KCNK9: variants seen among roughly 807,000 people sequenced by gnomAD.
The protein encoded by KCNK9 is potassium two pore domain channel subfamily K member 9, also known as potassium channel subfamily K member 9.
Under a neutral mutation model 10.8 loss-of-function variants are expected in KCNK9, and 1 was observed. The observed-to-expected ratio is 0.09, with a 90% CI of 0.03 to 0.44. The LOEUF is 0.44. Among genes scored for constraint, KCNK9 ranks in the 20% least tolerant of loss-of-function variants. KCNK9 has a pLI of 0.97. For missense variants in KCNK9, 303 were observed against 515.0 expected, an observed-to-expected ratio of 0.59 and a Z score of 3.98; for synonymous variants, 231 against 222.7, an observed-to-expected ratio of 1.04 and a Z score of -0.33.
chr8:139,692,206 C>T (rs763116411), intron 1 of KCNK9, among the ~76,000 whole-genome samples: 16 of 152,222 alleles, frequency 1.1e-4, no homozygotes, highest in African/African-American at 2.9e-4. Flanking sequence ...CCCCACGCTT[C>T]GCAACCAAGA....
downstream of KCNK9, among the ~76,000 whole-genome samples, chr8:139,615,562 G>T (rs935477858): frequency 6.6e-6 from 1 of 151,990 alleles, no homozygotes; most frequent in Non-Finnish European, 1.5e-5. Context: ...ACCAAGATTT[G>T]CCTCCATCCC....
chr8:139,656,468 C>T (rs1000184035), intron 1 of KCNK9, among the ~76,000 whole-genome samples: 9 of 152,280 alleles, frequency 5.9e-5, no homozygotes, highest in South Asian at 2.1e-4. Context: ...GTCCTGGGCG[C>T]GCTTGCCTCT....
intron 1 of KCNK9, among the ~76,000 whole-genome samples, chr8:139,663,305 G>T (rs1484882148): frequency 1.3e-5 from 2 of 152,074 alleles, no homozygotes; most frequent in Non-Finnish European, 2.9e-5. Flanking sequence ...AAGGAAGACA[G>T]GTCAGCGCGA....
chr8:139,678,997 C>T (rs1316162830), intron 1 of KCNK9, among the ~76,000 whole-genome samples: 1 of 152,182 alleles, frequency 6.6e-6, no homozygotes. Flanking sequence ...GATGCATTTG[C>T]GGGTCTCGTT....
chr8:139,603,184 CAAT>C (rs1445272922), intron 2 of KCNK9, among the ~76,000 whole-genome samples: 13 of 152,194 alleles, frequency 8.5e-5, no homozygotes, highest in Admixed American at 8.5e-4. Context: ...ACGGTGATAA[CAAT>C]GATGACAGTG....
chr8:139,660,297 C>T (rs1239021979), intron 1 of KCNK9, among the ~76,000 whole-genome samples: 5 of 152,168 alleles, frequency 3.3e-5, no homozygotes, highest in Admixed American at 3.3e-4. Context: ...CCTGGCTCCT[C>T]CATACGATGC....
chr8:139,639,483 C>T (rs1408606158), intron 1 of KCNK9, among the ~76,000 whole-genome samples: 1 of 152,302 alleles, frequency 6.6e-6, no homozygotes, highest in South Asian at 2.1e-4. Context: ...GAGACTCAGG[C>T]CCACAGCTGG....
At chr8:139,603,234 C>T (rs1817410969) in intron 2 of KCNK9, among the ~76,000 whole-genome samples, 1 of 152,180 alleles carries the variant, frequency 6.6e-6, no homozygotes, top group Non-Finnish European at 1.5e-5. Flanking sequence ...AAGTCTCCCA[C>T]CTGCCCCCCA....
Position 139,649,872 on chromosome 8 carries a change from A to G in KCNK9, c.284-30773T>C, listed in dbSNP as rs544184291. Among the ~76,000 whole-genome samples, 6 of 152,358 alleles carry G rather than the reference A, an allele frequency of 3.9e-5. No individual in the cohort carries two copies. The East Asian group carries it at 9.6e-4, about 24-fold the overall frequency. On this transcript the variant is annotated intron_variant, in intron 1 of 1. Transcript: ENST00000520439. ...AGTGGTACTGTCCGAAAGGCAATTA[A>G]TGCTGGAGCAGAGGCTCCTTGGACA...
chr8:139,667,553 G>A (rs924467533), intron 1 of KCNK9, among the ~76,000 whole-genome samples: 4 of 151,242 alleles, frequency 2.6e-5, no homozygotes, highest in Non-Finnish European at 5.9e-5. Flanking sequence ...AAAATTAGCC[G>A]GGCATGGTGG....
At chr8:139,607,416 C>T (rs111665497) in intron 2 of KCNK9, among the ~76,000 whole-genome samples, 3 of 152,206 alleles carry the variant, frequency 2.0e-5, no homozygotes, top group Non-Finnish European at 4.4e-5. Context: ...ACGGCTGAAT[C>T]GGCAGCCCGA....
chr8:139,633,257 A>G (rs1033120050), intron 1 of KCNK9, among the ~76,000 whole-genome samples: 3 of 152,186 alleles, frequency 2.0e-5, no homozygotes, highest in African/African-American at 7.2e-5. Flanking sequence ...TAGCTAAGGT[A>G]TAAGAGAAGC....
intron 1 of KCNK9, among the ~76,000 whole-genome samples, chr8:139,697,368 T>TGGAC (rs1324308890): frequency 6.8e-6 from 1 of 147,618 alleles, no homozygotes; most frequent in Non-Finnish European, 1.5e-5. Context: ...GATGGATGGA[T>TGGAC]GGATGGATGG....
chr8:139,674,618 C>A lies in KCNK9; in HGVS notation c.283+28092G>T, dbSNP rs941766490. Reference sequence around the variant, plus strand: ...GACTCCAACCCAAGACCTCAGGACCCCAGCCCCCAGTTCTGCCCTCATGCC... The same window carrying A: ...GACTCCAACCCAAGACCTCAGGACCACAGCCCCCAGTTCTGCCCTCATGCC... On this transcript the variant is annotated intron_variant, in intron 1 of 1. Transcript: ENST00000520439. Among the ~76,000 whole-genome samples, 5 of 152,334 alleles carry A rather than the reference C, an allele frequency of 3.3e-5. No homozygotes were observed. In the East Asian group the frequency reaches 9.6e-4, roughly 29 times the overall value.
intron 1 of KCNK9, among the ~76,000 whole-genome samples, chr8:139,678,158 C>T (rs1454489113): frequency 6.6e-6 from 1 of 152,222 alleles, no homozygotes; most frequent in Non-Finnish European, 1.5e-5. Context: ...CCATACAATC[C>T]CTCAGGTTTC....
At chr8:139,609,238 GC>G (rs1334845811), downstream of KCNK9, among the ~76,000 whole-genome samples, 1 of 93,630 alleles carries the variant, frequency 1.1e-5, no homozygotes, top group African/African-American at 4.2e-5. Context: ...GGGGTGCTCT[GC>G]CCCCCCACCC....
Position 139,672,674 on chromosome 8 carries a change from C to T in KCNK9, c.283+30036G>A, listed in dbSNP as rs930708489. 2.6e-5 allele frequency among the ~76,000 whole-genome samples: 4 copies of T among 152,356 alleles called. No individual in the cohort carries two copies. In the East Asian group the frequency reaches 7.7e-4, roughly 29 times the overall value. Reference sequence around the variant, plus strand: ...GCCCACCCTGTCCAGACACAGCCCCCGTGGGGGAGCCTCTCTGTCTACAGC... The same window carrying T: ...GCCCACCCTGTCCAGACACAGCCCCTGTGGGGGAGCCTCTCTGTCTACAGC... On this transcript the variant is annotated intron_variant, in intron 1 of 1. Transcript: ENST00000520439.
At chr8:139,685,526 T>G (rs1385152626) in intron 1 of KCNK9, among the ~76,000 whole-genome samples, 2 of 152,192 alleles carry the variant, frequency 1.3e-5, no homozygotes, top group Admixed American at 1.3e-4. Flanking sequence ...AGTGAGAACA[T>G]GCGATGTTTG....
intron 1 of KCNK9, among the ~76,000 whole-genome samples, chr8:139,631,076 G>A (rs1247897808): frequency 6.6e-6 from 1 of 152,242 alleles, no homozygotes; most frequent in Non-Finnish European, 1.5e-5. Context: ...CGACTGCAGG[G>A]ACACGGCCCC....
Sources: allele counts gnomAD v4.1 joint callset (sites outside exome capture counted in the v4.1 genomes callset), GRCh38; gene constraint gnomAD v4.1.1; transcripts MANE v1.5; gene names NCBI Gene and HGNC (gene_info 2026-07-23, HGNC 2026-07-21).